The following MCTP1 variants were observed in gnomAD, a reference collection of about 807,000 sequenced individuals.
The protein encoded by MCTP1 is multiple C2 and transmembrane domain-containing protein 1.
In MCTP1, 69 loss-of-function variants were observed where a neutral mutation model predicts 120.6. The ratio of observed to expected loss-of-function variants is 0.57; its 90% confidence interval spans 0.47 to 0.70. MCTP1 has a LOEUF of 0.70. Ranked by LOEUF, MCTP1 falls within the 30% of genes least tolerant of loss-of-function variation. The probability of loss-of-function intolerance (pLI) is 0.00; values close to 1 mark genes in which losing one functional copy is unlikely to be tolerated. For synonymous variants in MCTP1, 529 were observed against 493.1 expected (o/e 1.07, Z -0.96); for missense variants, 1,203 against 1,248.8 (o/e 0.96, Z 0.55).
At chr5:95,213,398 T>C in intron 1 of MCTP1, among the ~76,000 whole-genome samples, 1 of 152,216 alleles carries the variant, frequency 6.6e-6, no homozygotes, top group East Asian at 1.9e-4. Context: ...TCCATGCTCA[T>C]GGGTAGGAAG....
At chr5:94,871,252 CTT>C (rs201600301) in intron 14 of MCTP1, 61 bp downstream of exon 14, 4,839 of 837,292 alleles carry the variant, frequency 5.8e-3, no homozygotes, top group Admixed American at 9.2e-3. Context: ...GTTTTCTTTT[CTT>C]TTTTTTTTTT....
At chr5:95,258,359 T>G (rs1287080305) in intron 1 of MCTP1, among the ~76,000 whole-genome samples, 1 of 152,114 alleles carries the variant, frequency 6.6e-6, no homozygotes, top group Non-Finnish European at 1.5e-5. Flanking sequence ...AAACATCAGA[T>G]AAATCCCAAC....
At chr5:95,210,492 G>A (rs1312602660) in intron 1 of MCTP1, among the ~76,000 whole-genome samples, 1 of 149,632 alleles carries the variant, frequency 6.7e-6, no homozygotes, top group Non-Finnish European at 1.5e-5. Flanking sequence ...GACTAGGATT[G>A]CAACCCCTGC....
chr5:95,183,995 C>G (rs772632011), intron 1 of MCTP1, among the ~76,000 whole-genome samples: 3 of 148,906 alleles, frequency 2.0e-5, no homozygotes, highest in Admixed American at 2.0e-4. Context: ...CATCACACAC[C>G]GGGGCCTGTT....
At chr5:94,791,188 A>C (rs1778872820) in intron 18 of MCTP1, among the ~76,000 whole-genome samples, 1 of 151,682 alleles carries the variant, frequency 6.6e-6, no homozygotes, top group South Asian at 2.1e-4. Context: ...AATCCCAGCT[A>C]CTAGAAGGCT....
chr5:95,231,353 C>T (rs1562260800), intron 1 of MCTP1, among the ~76,000 whole-genome samples: 1 of 151,670 alleles, frequency 6.6e-6, no homozygotes, highest in Non-Finnish European at 1.5e-5. Flanking sequence ...TATATATATA[C>T]ACATATATAG....
chr5:95,204,174 T>G (rs1181327481), intron 1 of MCTP1, among the ~76,000 whole-genome samples: 1 of 152,214 alleles, frequency 6.6e-6, no homozygotes, highest in African/African-American at 2.4e-5. Context: ...AGTCAATTTA[T>G]TCCATTCCTA....
intron 1 of MCTP1, among the ~76,000 whole-genome samples, chr5:95,060,083 A>G (rs1748527453): frequency 6.6e-6 from 1 of 152,170 alleles, no homozygotes; most frequent in African/African-American, 2.4e-5. Context: ...ACAGATCCCA[A>G]GCCTGGGGCT....
At chr5:95,172,029 TC>T (rs1747371671) in intron 1 of MCTP1, among the ~76,000 whole-genome samples, 1 of 152,180 alleles carries the variant, frequency 6.6e-6, no homozygotes, top group Non-Finnish European at 1.5e-5. Flanking sequence ...TTTTTCCCCA[TC>T]TTTGTAGTTT....
chr5:95,283,449 A>G (rs1373648233), intron 1 of MCTP1, among the ~76,000 whole-genome samples: 3 of 152,116 alleles, frequency 2.0e-5, no homozygotes, highest in South Asian at 2.1e-4. Context: ...CCCGCCAGCC[A>G]TTTGCTTCCA....
At chr5:94,759,428 G>T (rs1770753600) in intron 19 of MCTP1, among the ~76,000 whole-genome samples, 1 of 151,894 alleles carries the variant, frequency 6.6e-6, no homozygotes, top group Admixed American at 6.6e-5. Context: ...GAAACTAAAG[G>T]CCAAAAAAGA....
chr5:95,034,854 G>A (rs1840962601), intron 1 of MCTP1, among the ~76,000 whole-genome samples: 1 of 151,666 alleles, frequency 6.6e-6, no homozygotes. Flanking sequence ...AATCTATAAG[G>A]AACTTTAAAA....
intron 19 of MCTP1, among the ~76,000 whole-genome samples, chr5:94,722,807 C>G (rs115347420): frequency 9.3e-4 from 141 of 152,198 alleles, no homozygotes; most frequent in African/African-American, 3.3e-3. Context: ...CTTCTTTGGA[C>G]AAGTATAGAC....
chr5:94,784,187 A>T (rs1777142880), intron 18 of MCTP1, among the ~76,000 whole-genome samples: 1 of 152,088 alleles, frequency 6.6e-6, no homozygotes, highest in Admixed American at 6.6e-5. Flanking sequence ...GTTGCAAACT[A>T]AATGCCTATT....
chr5:94,745,957 C>T (rs1178855134), intron 19 of MCTP1, among the ~76,000 whole-genome samples: 1 of 152,238 alleles, frequency 6.6e-6, no homozygotes, highest in East Asian at 1.9e-4. Flanking sequence ...AATATGGCTG[C>T]CCCAGCTGTA....
intron 17 of MCTP1, among the ~76,000 whole-genome samples, chr5:94,846,269 A>G (rs906363580): frequency 6.6e-6 from 1 of 152,198 alleles, no homozygotes; most frequent in African/African-American, 2.4e-5. Context: ...CATCAACAGT[A>G]GACTGGATAA....
chr5:94,889,750 CCACACA>C (rs750983646), intron 11 of MCTP1, among the ~76,000 whole-genome samples: 32 of 145,712 alleles, frequency 2.2e-4, no homozygotes, highest in Middle Eastern at 3.4e-3. Flanking sequence ...TGAATGTACA[CCACACA>C]CACACACACA....
intron 1 of MCTP1, among the ~76,000 whole-genome samples, chr5:95,151,357 A>C (rs77235056): frequency 0.025 from 3,809 of 152,038 alleles, 168 homozygotes; most frequent in African/African-American, 0.087. Context: ...GATCATCCTA[A>C]AGGTTTTCAT....
chr5:94,802,199 A>G (rs1287249559), intron 17 of MCTP1, among the ~76,000 whole-genome samples: 3 of 152,190 alleles, frequency 2.0e-5, no homozygotes, highest in Non-Finnish European at 4.4e-5. Flanking sequence ...GAAAAAATAT[A>G]TATTTTTAAA....
Sources: gnomAD v4.1 joint callset for allele counts (sites outside exome capture counted in the v4.1 genomes callset) on GRCh38, gnomAD v4.1.1 for gene constraint, MANE v1.5 for transcripts, NCBI Gene and HGNC (gene_info 2026-07-23, HGNC 2026-07-21) for gene names.